The following MYO5C variants were observed in gnomAD, a reference collection of about 807,000 sequenced individuals.
MYO5C encodes the protein myosin VC, also known as unconventional myosin-Vc.
MYO5C carries 194 observed loss-of-function variants against 235.7 expected under a neutral mutation model. The ratio of observed to expected loss-of-function variants is 0.82; its 90% CI spans 0.73 to 0.93. The LOEUF (loss-of-function observed/expected upper bound fraction) is 0.93. Ranked by LOEUF, MYO5C falls within the 40% of genes least tolerant of loss-of-function variation. The pLI, the probability that MYO5C is intolerant of heterozygous loss-of-function variation, is 0.00. For synonymous variants in MYO5C, 707 were observed against 754.8 expected, an observed-to-expected ratio of 0.94 and a Z score of 1.04; for missense variants, 2,038 against 2,127.2, an observed-to-expected ratio of 0.96 and a Z score of 0.82.
chr15:52,292,444 C>T (rs962021485), intron 1 of MYO5C, among the ~76,000 whole-genome samples: 8 of 152,224 alleles, frequency 5.3e-5, no homozygotes, highest in African/African-American at 1.7e-4. Flanking sequence ...ACCTTAGCAA[C>T]TTACCTGACC....
At chr15:52,222,382 T>C (rs890463509) in intron 29 of MYO5C, among the ~76,000 whole-genome samples, 7 of 152,124 alleles carry the variant, frequency 4.6e-5, no homozygotes, top group Admixed American at 4.6e-4. Flanking sequence ...CGAGATTTCC[T>C]AACACTCTCA....
intron 35 of MYO5C, among the ~76,000 whole-genome samples, chr15:52,209,850 C>T (rs773974253): frequency 2.0e-5 from 3 of 152,136 alleles, no homozygotes; most frequent in Non-Finnish European, 4.4e-5. Flanking sequence ...TTCCTAACTC[C>T]AGATAAATAA....
At chr15:52,264,610 T>A (rs1405118797) in intron 8 of MYO5C, among the ~76,000 whole-genome samples, 1 of 152,198 alleles carries the variant, frequency 6.6e-6, no homozygotes. Context: ...TGTGCTTGAT[T>A]TTGAATGTTT....
At chr15:52,285,908 G>A (rs1353945310) in intron 1 of MYO5C, among the ~76,000 whole-genome samples, 1 of 152,156 alleles carries the variant, frequency 6.6e-6, no homozygotes, top group Non-Finnish European at 1.5e-5. Flanking sequence ...GGGAAGTGAG[G>A]AGCATCTCTG....
chr15:52,286,531 G>A (rs923977117), intron 1 of MYO5C, among the ~76,000 whole-genome samples: 1 of 152,164 alleles, frequency 6.6e-6, no homozygotes, highest in African/African-American at 2.4e-5. Flanking sequence ...TTGAGAAATC[G>A]GATGGTTGCC....
rs77458583 is a variant in MYO5C at position 52,195,364 on chromosome 15, T to C, written c.5076+13A>G. 6.1e-5 allele frequency: 96 copies of C among 1,585,564 alleles called. 2 individuals carry two copies. The East Asian group carries it at 1.8e-3, about 30-fold the overall frequency. Reference sequence around the variant, plus strand: ...GGAAGTAAAATTAAAAGGCACATCCTTAAGAATCTCACCTGTACTTTGCGA... The same window carrying C: ...GGAAGTAAAATTAAAAGGCACATCCCTAAGAATCTCACCTGTACTTTGCGA... On this transcript the variant is annotated intron_variant, in intron 40 of 40. Transcript: ENST00000261839.
At chr15:52,224,677 G>A (rs565205467) in intron 28 of MYO5C, among the ~76,000 whole-genome samples, 16 of 152,294 alleles carry the variant, frequency 1.1e-4, no homozygotes, top group African/African-American at 3.8e-4. Context: ...AGTTTTCACT[G>A]TATGGGTTAT....
At chr15:52,261,384 CT>C (rs2036691706) in intron 9 of MYO5C, among the ~76,000 whole-genome samples, 1 of 152,366 alleles carries the variant, frequency 6.6e-6, no homozygotes, top group South Asian at 2.1e-4. Context: ...GCGTCCCACG[CT>C]GATTTTTCAT....
intron 38 of MYO5C, among the ~76,000 whole-genome samples, chr15:52,202,433 G>C (rs1211631586): frequency 6.6e-6 from 1 of 152,112 alleles, no homozygotes. Context: ...AAAAAGTACT[G>C]GGTACCTGGG....
intron 4 of MYO5C, among the ~76,000 whole-genome samples, chr15:52,276,534 C>CTTT (rs1344045776): frequency 6.6e-6 from 1 of 152,212 alleles, no homozygotes; most frequent in East Asian, 1.9e-4. Context: ...ACATTATTTA[C>CTTT]ACAAACAGCT....
At chr15:52,238,621 G>A (rs2036142102) in intron 21 of MYO5C, among the ~76,000 whole-genome samples, 1 of 152,144 alleles carries the variant, frequency 6.6e-6, no homozygotes, top group South Asian at 2.1e-4. Flanking sequence ...GCATATGGAT[G>A]TTTCTTTTCT....
intron 26 of MYO5C, 27 bp downstream of exon 26, chr15:52,225,412 G>A (rs750681795): frequency 7.3e-6 from 11 of 1,513,306 alleles, no homozygotes; most frequent in Non-Finnish European, 8.3e-6. Context: ...CTGCACCCAT[G>A]GACTAAGAGA....
rs546576685 is a variant in MYO5C at position 52,282,887 on chromosome 15, G to A, written c.33C>T (p.Asn11=). ...CTTCAGGATCGGGAATCCAGACCCT[G>A]TTGTACTGACCAACAGGATGAGAAA... MAVAELYTQY[N]RVWIPDPEEV... The change falls in exon 2 of 41, where the codon AAC becomes AAT. Residue 11 remains asparagine, a synonymous_variant. Transcript: ENST00000261839. 2.5e-4 allele frequency: 395 copies of A among 1,607,550 alleles called. 13 individuals are homozygous for A. In the South Asian group the frequency reaches 4.1e-3, roughly 17 times the overall value.
At chr15:52,266,519 G>A (rs1032211920) in intron 8 of MYO5C, among the ~76,000 whole-genome samples, 1 of 152,182 alleles carries the variant, frequency 6.6e-6, no homozygotes, top group Non-Finnish European at 1.5e-5. Context: ...AGGGGAAGGC[G>A]AAGGGAACAC....
In MYO5C at chr15:52,224,976, G is replaced by C. The variant is rs1225796569; in HGVS notation, c.3371C>G (p.Ser1124Cys). ...ATTTAAATGTTCCAGATCTTCCACA[G>C]AGAGCCTGCAAAATAAGGAAGATAA... ...YDIEDVRSRLSVEDLEHLNED... is the reference protein window; with the variant it reads ...YDIEDVRSRLCVEDLEHLNED... Residue 1124 changes from serine to cysteine, a missense_variant, in exon 28 of 41, where the codon TCT becomes TGT. Physicochemically the swap from Ser to Cys is moderately radical, Grantham distance 112. Coordinates refer to ENST00000261839, the MANE Select transcript of MYO5C (RefSeq NM_018728.4). The C allele has an allele frequency of 6.2e-7, 1 of 1,613,958 alleles. No homozygotes were observed. The highest frequency in any genetic ancestry group is 1.7e-5 in the Admixed American group (1 of 60,024).
At position 52,205,834 on chromosome 15, in the gene MYO5C, T is replaced by G. The variant is rs770102162; in HGVS notation, c.4519A>C (p.Asn1507His). 5 of 1,569,730 alleles carry G rather than the reference T, an allele frequency of 3.2e-6. No individual in the cohort carries two copies. The highest frequency in any genetic ancestry group is 4.3e-6 in the Non-Finnish European group (5 of 1,150,816). Residue 1507 changes from asparagine (N) to histidine (H), a missense_variant, in exon 37 of 41, where the codon AAT becomes CAT. Transcript: ENST00000261839. ...YHQFIIIMEKNIQPIIVPGML... is the reference protein window; with the variant it reads ...YHQFIIIMEKHIQPIIVPGML... Reference sequence around the variant, plus strand: ...TTCTTACCTATTATCGGTTGGATATTCTTTTCCATTATGATAATAAATTGA... The same window carrying G: ...TTCTTACCTATTATCGGTTGGATATGCTTTTCCATTATGATAATAAATTGA...
At position 52,261,191 on chromosome 15, in the gene MYO5C, G is replaced by A. The variant is rs1004871793; in HGVS notation, c.1048-64C>T. 1.9e-5 allele frequency: 30 copies of A among 1,574,866 alleles called. 1 individual carries two copies. Among genetic ancestry groups the A allele is most frequent in the East Asian group, 1.6e-4 (7 of 44,276 alleles). On this transcript the variant is annotated intron_variant, in intron 9 of 40. Transcript: ENST00000261839. ...CATCCAAAGACACACAATCCCACCCGGCCAAGGCCCCCGTGCCCACACTCA... is the reference window on the plus strand; with the variant it reads ...CATCCAAAGACACACAATCCCACCCAGCCAAGGCCCCCGTGCCCACACTCA...
chr15:52,272,944 C>T (rs1456639028), intron 5 of MYO5C, among the ~76,000 whole-genome samples: 2 of 152,190 alleles, frequency 1.3e-5, no homozygotes, highest in African/African-American at 4.8e-5. Flanking sequence ...CTGGCAGATA[C>T]TGGGGAGGAC....
intron 38 of MYO5C, among the ~76,000 whole-genome samples, chr15:52,201,677 T>C (rs540099383): frequency 2.3e-4 from 35 of 152,268 alleles, no homozygotes; most frequent in Non-Finnish European, 4.3e-4. Flanking sequence ...CTTTAAAATA[T>C]GTTTGATGGT....
Sources: gnomAD v4.1 joint callset for allele counts (sites outside exome capture counted in the v4.1 genomes callset) on GRCh38, gnomAD v4.1.1 for gene constraint, MANE v1.5 for transcripts, NCBI Gene and HGNC (gene_info 2026-07-23, HGNC 2026-07-21) for gene names.